UPF2: variants seen among roughly 807,000 people sequenced by gnomAD.
UPF2 encodes the protein regulator of nonsense transcripts 2.
UPF2 carries 17 observed loss-of-function variants against 141.4 expected under a neutral mutation model. The ratio of observed to expected loss-of-function variants is 0.12; its 90% CI spans 0.08 to 0.18. UPF2 has a LOEUF of 0.18. UPF2 is among the 10% of genes least tolerant of loss of function. The pLI is 1.00. For missense variants in UPF2, 1,152 were observed against 1,515.9 expected, an observed-to-expected ratio of 0.76 and a Z score of 3.99; for synonymous variants, 540 against 498.0, an observed-to-expected ratio of 1.08 and a Z score of -1.12.
chr10:11,938,868 T>TTGTTGTTTTTTTTG (rs1832896411), intron 18 of UPF2, among the ~76,000 whole-genome samples: 3 of 90,854 alleles, frequency 3.3e-5, no homozygotes, highest in Admixed American at 1.2e-4. Context: ...TTTTTTTTTT[T>TTGTTGTTTTTTTTG]TTTTTTTTTT....
intron 17 of UPF2, 38 bp from the exon 18 acceptor site, chr10:11,942,801 T>G (rs1035907363): frequency 6.3e-7 from 1 of 1,587,308 alleles, no homozygotes; most frequent in Middle Eastern, 1.7e-4. Flanking sequence ...ACCAGAAATT[T>G]TAACTGTAAT....
Position 12,042,564 on chromosome 10 carries a change from C to T in UPF2, c.-19+191G>A, listed in dbSNP as rs1834756074. 1.3e-5 allele frequency among the ~76,000 whole-genome samples: 2 copies of T among 152,146 alleles called. No homozygotes were observed. The highest frequency in any genetic ancestry group is 1.3e-4 in the Admixed American group (2 of 15,262). ...CCGGGGGCTCCCGCGTTGATGGGAGCCTCGGAGACAGGGGGTCTGAGGAGA... is the reference window on the plus strand; with the variant it reads ...CCGGGGGCTCCCGCGTTGATGGGAGTCTCGGAGACAGGGGGTCTGAGGAGA... On this transcript the variant is annotated intron_variant, in intron 1 of 21. Transcript: ENST00000357604. This position sits in a 1 kb window ranked among gnomAD's most constrained non-coding sequence, Gnocchi z 5.5.
At chr10:11,990,471 G>A (rs951227621) in intron 8 of UPF2, among the ~76,000 whole-genome samples, 1 of 152,142 alleles carries the variant, frequency 6.6e-6, no homozygotes, top group Non-Finnish European at 1.5e-5. Flanking sequence ...ACGAGGTCAG[G>A]CGATCGAGAC....
At chr10:12,001,009 T>C (rs1239336519) in intron 6 of UPF2, among the ~76,000 whole-genome samples, 3 of 152,210 alleles carry the variant, frequency 2.0e-5, no homozygotes, top group African/African-American at 7.2e-5. Flanking sequence ...TTTATGTTGT[T>C]TGTAAAGATT....
chr10:12,023,297 T>C (rs993610422), intron 3 of UPF2, among the ~76,000 whole-genome samples: 2 of 152,132 alleles, frequency 1.3e-5, no homozygotes, highest in African/African-American at 2.4e-5. Flanking sequence ...TAATTCCAAA[T>C]AGGCAAATAC....
intron 3 of UPF2, among the ~76,000 whole-genome samples, chr10:12,028,033 T>C (rs186451918): frequency 3.9e-5 from 6 of 152,308 alleles, no homozygotes; most frequent in South Asian, 2.1e-4. Context: ...ACCTAATGCC[T>C]AGCAACTCCA....
At chr10:12,026,191 C>T (rs1834416582) in intron 3 of UPF2, among the ~76,000 whole-genome samples, 1 of 152,066 alleles carries the variant, frequency 6.6e-6, no homozygotes, top group South Asian at 2.1e-4. Flanking sequence ...CAGAGATATG[C>T]AAGTACACAT....
intron 15 of UPF2, among the ~76,000 whole-genome samples, chr10:11,949,267 G>A (rs984711116): frequency 1.3e-5 from 2 of 152,164 alleles, no homozygotes; most frequent in Non-Finnish European, 1.5e-5. Flanking sequence ...GCCCTCCCCT[G>A]AAGTTGCCTT....
chr10:11,994,975 CAAAAAAAAAA>C (rs60922532), intron 8 of UPF2, among the ~76,000 whole-genome samples: 21 of 51,358 alleles, frequency 4.1e-4, no homozygotes, highest in East Asian at 2.5e-3. Flanking sequence ...GACTCCATCT[CAAAAAAAAAA>C]AAAAAAAAAA....
rs1834429681 is a variant in UPF2, at chr10:12,026,916, G to C, written c.1145+1829C>G. Among the ~76,000 whole-genome samples, 5 of 152,216 alleles carry C rather than the reference G, an allele frequency of 3.3e-5. No homozygotes were observed. The South Asian group carries it at 8.3e-4, about 25-fold the overall frequency. ...GATCCACCCACCTTGGCCTCCCAAA[G>C]TGCTGGGATTACAGGTGTGAGCCAC... On this transcript the variant is annotated intron_variant, in intron 3 of 21. Coordinates refer to ENST00000357604, the MANE Select transcript of UPF2 (RefSeq NM_015542.4).
At chr10:12,023,282 G>A (rs1305429451) in intron 3 of UPF2, among the ~76,000 whole-genome samples, 1 of 151,980 alleles carries the variant, frequency 6.6e-6, no homozygotes, top group Non-Finnish European at 1.5e-5. Context: ...AGAAAGTAAG[G>A]CTATTAATTC....
rs776504525 is a variant in UPF2 at position 11,953,917 on chromosome 10, A to C, written c.2850+1315T>G. On this transcript the variant is annotated intron_variant, in intron 14 of 21. Coordinates refer to ENST00000357604, the MANE Select transcript of UPF2 (RefSeq NM_015542.4). The surrounding 1 kb of genome is among the most constrained non-coding windows in gnomAD (Gnocchi z 5.0). ...GCCACCATGTGGATGTATTTTTGATACTTCAAGTTACATTAAACTTATTTT... is the reference window on the plus strand; with the variant it reads ...GCCACCATGTGGATGTATTTTTGATCCTTCAAGTTACATTAAACTTATTTT... Among the ~76,000 whole-genome samples the C allele has an allele frequency of 2.0e-5, 3 of 152,208 alleles. No individual in the cohort carries two copies. The highest frequency in any genetic ancestry group is 4.4e-5 in the Non-Finnish European group (3 of 68,034).
chr10:11,942,605 T>G, intron 18 of UPF2, 60 bp downstream of exon 18: 1 of 1,502,216 alleles, frequency 6.7e-7, no homozygotes, highest in Non-Finnish European at 9.2e-7. Flanking sequence ...TGAACCAGAA[T>G]GTAATGGGCT....
chr10:11,959,087 C>T lies in UPF2; in HGVS notation c.2370+84G>A, dbSNP rs1833199654. The T allele has an allele frequency of 7.5e-7, 1 of 1,335,112 alleles. No individual in the cohort carries two copies. Among genetic ancestry groups the T allele is most frequent in the Admixed American group, 2.7e-5 (1 of 36,720 alleles). 82.7% of individuals were successfully genotyped at this position (1,335,112 alleles called of 1,614,324 possible). A position where few individuals can be genotyped will look rare whatever the true frequency, so the allele number is the denominator to read the frequency against. On this transcript the variant is annotated intron_variant, in intron 12 of 21. Coordinates refer to ENST00000357604, the MANE Select transcript of UPF2 (RefSeq NM_015542.4). The surrounding 1 kb of genome is among the most constrained non-coding windows in gnomAD (Gnocchi z 5.9). The stretch of plus-strand genomic sequence containing the variant: ...ATTATAAAGGAACTTGAGCTCTACC[C>T]CCACTTCTCCTAGACTCTACATAAG...
rs754403900 is a variant in UPF2, at chr10:11,943,198, T to C, written c.3175-30A>G. On this transcript the variant is annotated intron_variant, in intron 16 of 21. Coordinates refer to ENST00000357604, the MANE Select transcript of UPF2 (RefSeq NM_015542.4). ...AATTATTGAACATTAGAAGATTAAA[T>C]AACTTTTCGAAGTGTAACCATATTT... is the stretch of plus-strand genomic sequence containing the variant. 1.8e-5 allele frequency: 27 copies of C among 1,538,056 alleles called. 1 individual carries two copies. In the East Asian group the frequency reaches 5.6e-4, roughly 32 times the overall value.
At chr10:11,930,374 TAAC>T (rs939314887) in intron 20 of UPF2, among the ~76,000 whole-genome samples, 2 of 152,214 alleles carry the variant, frequency 1.3e-5, no homozygotes, top group African/African-American at 4.8e-5. Flanking sequence ...AAAATGCAGA[TAAC>T]AACAACACTT....
At chr10:11,990,917 G>A (rs1232896141) in intron 8 of UPF2, among the ~76,000 whole-genome samples, 1 of 151,076 alleles carries the variant, frequency 6.6e-6, no homozygotes, top group African/African-American at 2.4e-5. Flanking sequence ...GAACCCAGGA[G>A]GCGGAGCTTG....
chr10:11,970,797 G>C (rs1833403721), intron 9 of UPF2, among the ~76,000 whole-genome samples: 1 of 152,000 alleles, frequency 6.6e-6, no homozygotes, highest in African/African-American at 2.4e-5. Context: ...GGGCGACAGA[G>C]TGAGACTCTA....
At chr10:11,991,692 G>A (rs1833783031) in intron 8 of UPF2, among the ~76,000 whole-genome samples, 1 of 152,070 alleles carries the variant, frequency 6.6e-6, no homozygotes, top group African/African-American at 2.4e-5. Flanking sequence ...AATGACTATT[G>A]AGTGACACCT....
Sources: gnomAD v4.1 joint callset for allele counts (sites outside exome capture counted in the v4.1 genomes callset) on GRCh38, gnomAD v4.1.1 for gene constraint, Gnocchi (gnomAD v3.1) non-coding constraint, MANE v1.5 for transcripts, NCBI Gene and HGNC (gene_info 2026-07-23, HGNC 2026-07-21) for gene names.